ITIH1: variants seen among roughly 807,000 people sequenced by gnomAD.
The protein encoded by ITIH1 is inter-alpha-trypsin inhibitor heavy chain H1.
In ITIH1, 94 loss-of-function variants were observed where a neutral mutation model predicts 104.6. The observed-to-expected ratio is 0.90, with a 90% CI of 0.76 to 1.07. The LOEUF is 1.07. Ranked by LOEUF, ITIH1 falls within the 50% of genes least tolerant of loss-of-function variation. ITIH1 has a pLI of 0.00. For missense variants in ITIH1, 1,193 were observed against 1,181.4 expected (o/e 1.01, Z -0.14); for synonymous variants, 455 against 464.4 (o/e 0.98, Z 0.26).
At chr3:52,782,293 C>T (rs751696490) in intron 8 of ITIH1, 26 bp downstream of exon 8, 2 of 1,565,384 alleles carry the variant, frequency 1.3e-6, no homozygotes, top group Non-Finnish European at 1.8e-6. Context: ...AAACAGCTCA[C>T]CCAGCAGAAG....
chr3:52,790,740 GC>G lies in ITIH1; in HGVS notation c.2322-8del. ...CCGCACCTGCCCTCTCGGCCACCTG[GC>G]TCTGCAGGGTGGTGGTGACCATCAA... On this transcript the variant is annotated splice_polypyrimidine_tract_variant and splice_region_variant and intron_variant, in intron 19 of 21. Transcript: ENST00000273283. The G allele has an allele frequency of 6.2e-7, 1 of 1,609,272 alleles. No individual in the cohort carries two copies. The highest frequency in any genetic ancestry group is 2.3e-5 in the East Asian group (1 of 44,444).
intron 6 of ITIH1, among the ~76,000 whole-genome samples, chr3:52,781,214 CT>C (rs1699036891): frequency 3.7e-4 from 8 of 21,642 alleles, no homozygotes; most frequent in African/African-American, 1.4e-3. Context: ...TTTTTTTCTT[CT>C]TCTTCTTCTT....
chr3:52,777,711 A>G lies in ITIH1; in HGVS notation c.96A>G (p.Thr32=). ...LQAMPALGSA[T]GRSKSSEKRQ... ...CCATGCCTGCCCTGGGCTCGGCTAC[A>G]GGCAGGTCCAAGAGCAGCGAGGTAT... The change falls in exon 1 of 22, where the codon ACA becomes ACG. Residue 32 remains threonine (T), a synonymous_variant. Coordinates refer to ENST00000273283, the MANE Select transcript of ITIH1 (RefSeq NM_002215.4). The G allele has an allele frequency of 6.3e-7, 1 of 1,595,402 alleles. No homozygotes were observed. Among genetic ancestry groups the G allele is most frequent in the South Asian group, 1.1e-5 (1 of 88,002 alleles).
At chr3:52,778,067 G>A in intron 2 of ITIH1, 50 bp downstream of exon 2, 1 of 1,606,778 alleles carries the variant, frequency 6.2e-7, no homozygotes, top group Non-Finnish European at 8.5e-7. Context: ...CTTTTTACAG[G>A]CTTGCTTTCC....
intron 3 of ITIH1, 44 bp downstream of exon 3, chr3:52,778,550 C>T: frequency 6.2e-7 from 1 of 1,609,014 alleles, no homozygotes; most frequent in South Asian, 1.1e-5. Flanking sequence ...AGGGGTGCCG[C>T]TTACTAGTCC....
Position 52,784,364 on chromosome 3 carries a change from A to C in ITIH1, c.1294A>C (p.Asn432His). 1 of 1,614,146 alleles carries C rather than the reference A, an allele frequency of 6.2e-7. No homozygotes were observed. The highest frequency in any genetic ancestry group is 8.5e-7 in the Non-Finnish European group (1 of 1,179,996). Residue 432 changes from asparagine (N) to histidine (H), a missense_variant, in exon 11 of 22, where the codon AAC (asparagine) becomes CAC (histidine). Asn to His is a moderately conservative substitution (Grantham distance 68, BLOSUM62 1). Coordinates refer to ENST00000273283, the MANE Select transcript of ITIH1 (RefSeq NM_002215.4). ...NAIRGRFPLY[N>H]LGFGHNVDFN... Reference sequence around the variant, plus strand: ...CATCCGGGGCAGGTTCCCGCTCTACAACCTGGGTTTCGGCCACAATGTGGA... The same window carrying C: ...CATCCGGGGCAGGTTCCCGCTCTACCACCTGGGTTTCGGCCACAATGTGGA...
At chr3:52,789,503 G>T in intron 18 of ITIH1, 150 bp from the exon 19 acceptor site, 1 of 667,722 alleles carries the variant, frequency 1.5e-6, no homozygotes, top group Non-Finnish European at 2.6e-6. Flanking sequence ...CTGTGTGCGG[G>T]ACCAGACCTG....
Position 52,778,360 on chromosome 3 carries a change from C to T in ITIH1, c.159C>T (p.Ile53=). 1.9e-6 allele frequency: 3 copies of T among 1,614,214 alleles called. No individual in the cohort carries two copies. Among genetic ancestry groups the T allele is most frequent in the South Asian group, 2.2e-5 (2 of 91,086 alleles). ...AVDTAVDGVF[I]RSLKVNCKVT... ...TTTAGGCTGTCGATGGCGTGTTCAT[C>T]CGGAGTTTGAAAGTCAACTGCAAAG... Residue 53 remains isoleucine, a synonymous_variant, in exon 3 of 22, where the codon ATC becomes ATT. Coordinates refer to ENST00000273283, the MANE Select transcript of ITIH1 (RefSeq NM_002215.4).
chr3:52,790,509 C>T (rs924680794), intron 19 of ITIH1: 8 of 470,580 alleles, frequency 1.7e-5, no homozygotes, highest in African/African-American at 1.0e-4. Context: ...TTCACAGGCT[C>T]GGAGTGAGGA....
intron 20 of ITIH1, among the ~76,000 whole-genome samples, chr3:52,791,156 G>A (rs575960513): frequency 2.6e-5 from 4 of 152,262 alleles, no homozygotes; most frequent in African/African-American, 4.8e-5. Context: ...AGGTCTGATC[G>A]CAAAAAGAAA....
intron 16 of ITIH1, 95 bp downstream of exon 16, chr3:52,787,707 T>C: frequency 7.3e-7 from 1 of 1,364,306 alleles, no homozygotes; most frequent in African/African-American, 1.4e-5. Flanking sequence ...CTTCACTGCT[T>C]GTCACTGGGA....
chr3:52,786,963 G>A lies in ITIH1; in HGVS notation c.1752G>A (p.Glu584=). ...AATGCAGGATGAAGGTGGACAGGGAGGAGAGGGCCAACCTGTCATCCCAGG... is the reference window on the plus strand; with the variant it reads ...AATGCAGGATGAAGGTGGACAGGGAAGAGAGGGCCAACCTGTCATCCCAGG... ...LLAKRMKVDR[E]ERANLSSQAL... The change falls in exon 14 of 22, where the codon GAG becomes GAA. Residue 584 remains glutamate, a synonymous_variant. Coordinates refer to ENST00000273283, the MANE Select transcript of ITIH1 (RefSeq NM_002215.4). 1 of 1,613,546 alleles carries A rather than the reference G, an allele frequency of 6.2e-7. No individual in the cohort carries two copies. The highest frequency in any genetic ancestry group is 8.5e-7 in the Non-Finnish European group (1 of 1,179,656).
rs187928594 is a variant in ITIH1 at position 52,788,032 on chromosome 3, C to T, written c.1971C>T (p.Ser657=). 336 of 1,612,388 alleles carry T rather than the reference C, an allele frequency of 2.1e-4. 3 individuals carry two copies. The East Asian group carries it at 3.0e-3, about 14-fold the overall frequency. The change falls in exon 17 of 22, where the codon TCC becomes TCT. Residue 657 remains serine (S), a synonymous_variant. Coordinates refer to ENST00000273283, the MANE Select transcript of ITIH1 (RefSeq NM_002215.4). ...ALQPSPTHSS[S]NTQRLPDRVT... ...AGCCTTCTCCTACTCATTCCAGCTCCAATACCCAGCGGCTGCCAGACCGAG... is the reference window on the plus strand; with the variant it reads ...AGCCTTCTCCTACTCATTCCAGCTCTAATACCCAGCGGCTGCCAGACCGAG...
Position 52,783,006 on chromosome 3 carries a change from A to G in ITIH1, c.980A>G (p.Tyr327Cys). 2 of 1,614,064 alleles carry G rather than the reference A, an allele frequency of 1.2e-6. No individual in the cohort carries two copies. Among genetic ancestry groups the G allele is most frequent in the South Asian group, 1.1e-5 (1 of 91,076 alleles). Residue 327 changes from tyrosine (Y) to cysteine (C), a missense_variant, in exon 9 of 22, where the codon TAC becomes TGC. Physicochemically the swap from Tyr to Cys is radical, Grantham distance 194. Transcript: ENST00000273283. ...KILGDMQPGDYFDLVLFGTRV... is the reference protein window; with the variant it reads ...KILGDMQPGDCFDLVLFGTRV... ...CTGGGGGACATGCAGCCAGGGGACT[A>G]CTTTGACCTGGTTCTTTTTGGGACT...
Position 52,791,946 on chromosome 3 carries a change from C to T in ITIH1, c.*35C>T. On this transcript the variant is annotated 3_prime_UTR_variant, in exon 22 of 22. Coordinates refer to ENST00000273283, the MANE Select transcript of ITIH1 (RefSeq NM_002215.4). Reference sequence around the variant, plus strand: ...CCAGCACGCCTGTCCTCCCCCGGGGCCAAGGCAGAGGAGGAGGACGACATC... The same window carrying T: ...CCAGCACGCCTGTCCTCCCCCGGGGTCAAGGCAGAGGAGGAGGACGACATC... 1 of 1,591,472 alleles carries T rather than the reference C, an allele frequency of 6.3e-7. No homozygotes were observed.
chr3:52,782,368 C>G, intron 8 of ITIH1, 101 bp downstream of exon 8: 1 of 899,936 alleles, frequency 1.1e-6, no homozygotes, highest in Non-Finnish European at 1.8e-6. Context: ...GGGATTTATC[C>G]TCCTGGTCAG....
intron 6 of ITIH1, 109 bp downstream of exon 6, chr3:52,780,491 T>C: frequency 1.4e-6 from 1 of 713,686 alleles, no homozygotes; most frequent in Non-Finnish European, 2.4e-6. Flanking sequence ...GGGGCTGTGG[T>C]CTGCCCTCAG....
At chr3:52,787,566 C>G (rs371355514) in intron 15 of ITIH1, 26 bp from the exon 16 acceptor site, 8 of 1,613,926 alleles carry the variant, frequency 5.0e-6, no homozygotes, top group Non-Finnish European at 6.8e-6. Flanking sequence ...ACACTGTCTT[C>G]GATAATATGT....
intron 2 of ITIH1, 47 bp downstream of exon 2, chr3:52,778,064 C>T (rs371539156): frequency 4.4e-6 from 7 of 1,608,330 alleles, no homozygotes; most frequent in Non-Finnish European, 6.0e-6. Flanking sequence ...GCCCTTTTTA[C>T]AGGCTTGCTT....
Sources: gnomAD v4.1 joint callset for allele counts (sites outside exome capture counted in the v4.1 genomes callset) on GRCh38, gnomAD v4.1.1 for gene constraint, MANE v1.5 for transcripts, NCBI Gene and HGNC (gene_info 2026-07-23, HGNC 2026-07-21) for gene names.